The following WNT7A variants were observed in gnomAD, a reference collection of about 807,000 sequenced individuals.
The protein encoded by WNT7A is Wnt family member 7A, also known as protein Wnt-7a.
A neutral mutation model predicts 28.2 loss-of-function variants in WNT7A; 16 were observed. That is an observed-to-expected ratio of 0.57 (90% CI 0.38 to 0.86). The LOEUF (loss-of-function observed/expected upper bound fraction) is 0.86, where lower values mean the gene tolerates loss of function less well. Among genes scored for constraint, WNT7A ranks in the 40% least tolerant of loss-of-function variants. WNT7A has a pLI of 0.00. For synonymous variants in WNT7A, 190 were observed against 195.9 expected, an observed-to-expected ratio of 0.97 and a Z score of 0.25; for missense variants, 411 against 489.7, an observed-to-expected ratio of 0.84 and a Z score of 1.52.
chr3:13,838,097 C>T (rs1021762766), intron 3 of WNT7A, among the ~76,000 whole-genome samples: 15 of 152,202 alleles, frequency 9.9e-5, no homozygotes, highest in Non-Finnish European at 2.2e-4. Context: ...TATCTCTATG[C>T]GTCTGCAGTT....
At chr3:13,831,382 A>T (rs1694278129) in intron 3 of WNT7A, among the ~76,000 whole-genome samples, 1 of 152,208 alleles carries the variant, frequency 6.6e-6, no homozygotes, top group South Asian at 2.1e-4. Flanking sequence ...GGCAGTGCGG[A>T]CCACAGTCAC....
At chr3:13,842,459 G>T (rs1323082495) in intron 3 of WNT7A, among the ~76,000 whole-genome samples, 1 of 152,130 alleles carries the variant, frequency 6.6e-6, no homozygotes, top group African/African-American at 2.4e-5. Flanking sequence ...TGCAATGTCA[G>T]GGAAGAGATG....
intron 1 of WNT7A, among the ~76,000 whole-genome samples, chr3:13,878,814 T>C (rs1355715043): frequency 2.0e-5 from 3 of 147,758 alleles, no homozygotes; most frequent in Admixed American, 1.3e-4. Context: ...CATGCCCAGA[T>C]CCCCCCGCCC....
At chr3:13,835,475 G>A (rs556580784) in intron 3 of WNT7A, among the ~76,000 whole-genome samples, 4 of 152,254 alleles carry the variant, frequency 2.6e-5, no homozygotes, top group Non-Finnish European at 4.4e-5. Flanking sequence ...CTGAGCCAGC[G>A]TCCTCAGCTC....
At chr3:13,821,742 C>T (rs1453766738) in intron 3 of WNT7A, among the ~76,000 whole-genome samples, 2 of 152,170 alleles carry the variant, frequency 1.3e-5, no homozygotes, top group Non-Finnish European at 2.9e-5. Context: ...TTTAGGAGCC[C>T]ATCCACCAAT....
At chr3:13,869,337 GAGGA>G (rs1394936849) in intron 2 of WNT7A, among the ~76,000 whole-genome samples, 1 of 140,574 alleles carries the variant, frequency 7.1e-6, no homozygotes, top group African/African-American at 2.7e-5. Context: ...GAGAGGGAGG[GAGGA>G]AGGAAGGAAG....
chr3:13,847,804 G>T (rs974859934), intron 3 of WNT7A, among the ~76,000 whole-genome samples: 2 of 151,856 alleles, frequency 1.3e-5, no homozygotes, highest in African/African-American at 4.8e-5. Context: ...AGGGGCTGGG[G>T]TGGGGCGGGG....
intron 3 of WNT7A, among the ~76,000 whole-genome samples, chr3:13,822,311 A>T (rs1049264126): frequency 2.6e-5 from 4 of 152,278 alleles, no homozygotes; most frequent in African/African-American, 9.6e-5. Flanking sequence ...ACAGCCAAAA[A>T]GTGAGCGGAA....
At chr3:13,869,209 A>T (rs1694988338) in intron 2 of WNT7A, among the ~76,000 whole-genome samples, 1 of 688 alleles carries the variant, frequency 1.5e-3, no homozygotes, top group South Asian at 0.083. Flanking sequence ...GAAGGGAGAA[A>T]GAGAGAAAGA....
In WNT7A at chr3:13,864,534, A is replaced by G. The variant is rs377577841; in HGVS notation, c.299-9731T>C. ...ATCTCCCAGTGCCTGTTTCTCTTCC[A>G]CTAGATCCTCAGAGCACTTTTCAGC... On this transcript the variant is annotated intron_variant, in intron 2 of 3. Transcript: ENST00000285018. 7.9e-5 allele frequency among the ~76,000 whole-genome samples: 12 copies of G among 152,144 alleles called. No homozygotes were observed. In the East Asian group the frequency reaches 2.3e-3, roughly 29 times the overall value.
At chr3:13,833,753 C>T (rs1694320414) in intron 3 of WNT7A, among the ~76,000 whole-genome samples, 1 of 152,226 alleles carries the variant, frequency 6.6e-6, no homozygotes, top group African/African-American at 2.4e-5. Flanking sequence ...GGCAGGGAGG[C>T]TGACAGCGGG....
At chr3:13,873,540 C>A (rs1695057075) in intron 2 of WNT7A, among the ~76,000 whole-genome samples, 1 of 152,222 alleles carries the variant, frequency 6.6e-6, no homozygotes, top group South Asian at 2.1e-4. Flanking sequence ...AATATGGTGA[C>A]AAAACCAGGC....
At chr3:13,827,193 C>T (rs1694209237) in intron 3 of WNT7A, among the ~76,000 whole-genome samples, 1 of 152,158 alleles carries the variant, frequency 6.6e-6, no homozygotes, top group Non-Finnish European at 1.5e-5. Context: ...GGCAACCTCC[C>T]CAACAAAGCT....
chr3:13,856,905 G>GAAGAAGAAGAAGAAGAAA lies in WNT7A; in HGVS notation c.299-2103_299-2102insTTTCTTCTTCTTCTTCTT, dbSNP rs1559303223. ...GGAAGAAGAAGAAAAAGAAGAAGAA[G>GAAGAAGAAGAAGAAGAAA]AAGAAGAAGAAGAAGAAGAAGAAGA... On this transcript the variant is annotated intron_variant, in intron 2 of 3. Coordinates refer to ENST00000285018, the MANE Select transcript of WNT7A (RefSeq NM_004625.4). Among the ~76,000 whole-genome samples, 173 of 65,946 alleles carry GAAGAAGAAGAAGAAGAAA rather than the reference G, an allele frequency of 2.6e-3. 2 individuals are homozygous for GAAGAAGAAGAAGAAGAAA. The highest frequency in any genetic ancestry group is 1.2e-3 in the Non-Finnish European group (42 of 34,438). The allele number at this position is 65,946 out of a possible 152,430, so 43.3% of individuals were successfully genotyped here. A position where few individuals can be genotyped will look rare whatever the true frequency, so the allele number is the denominator to read the frequency against.
At chr3:13,837,478 C>G (rs1406253608) in intron 3 of WNT7A, among the ~76,000 whole-genome samples, 2 of 151,984 alleles carry the variant, frequency 1.3e-5, no homozygotes, top group Non-Finnish European at 2.9e-5. Context: ...CTGCTGTATT[C>G]GGGAGCATCT....
rs546145028 is a variant in WNT7A, at chr3:13,854,702, C to A, written c.400G>T (p.Asp134Tyr). 1.2e-6 allele frequency: 2 copies of A among 1,614,156 alleles called. No homozygotes were observed. The highest frequency in any genetic ancestry group is 4.5e-5 in the East Asian group (2 of 44,874). The stretch of plus-strand genomic sequence containing the variant: ...TGGTACTGGCCTTGCTTCTCTTTGT[C>A]GCAGCCACAGTCGCTCAGGTTGCCC... The part of the protein sequence containing the change: ...TQGNLSDCGC[D>Y]KEKQGQYHRD... Residue 134 changes from aspartate (D) to tyrosine (Y), a missense_variant, in exon 3 of 4, where the codon GAC (aspartate) becomes TAC (tyrosine). By Grantham distance (160) the Asp-to-Tyr change is radical. Coordinates refer to ENST00000285018, the MANE Select transcript of WNT7A (RefSeq NM_004625.4).
At position 13,819,301 on chromosome 3, in the gene WNT7A, C is replaced by T; in HGVS notation, c.693G>A (p.Lys231=). 2.5e-6 allele frequency: 4 copies of T among 1,614,010 alleles called. No individual in the cohort carries two copies. The highest frequency in any genetic ancestry group is 3.4e-6 in the Non-Finnish European group (4 of 1,179,878). The change falls in exon 4 of 4, where the codon AAG becomes AAA. Residue 231 remains lysine (K), a synonymous_variant. Transcript: ENST00000285018. ...FRELGYVLKD[K]YNEAVHVEPV... ...GCTCCACGTGAACGGCCTCGTTGTA[C>T]TTGTCCTTGAGCACGTAGCCCAGCT...
intron 3 of WNT7A, among the ~76,000 whole-genome samples, chr3:13,838,965 G>C (rs1694414170): frequency 1.3e-5 from 2 of 152,134 alleles, no homozygotes; most frequent in Non-Finnish European, 2.9e-5. Context: ...AAATTAAAAA[G>C]TATCTCAGTA....
intron 3 of WNT7A, among the ~76,000 whole-genome samples, chr3:13,851,976 A>G (rs1694645273): frequency 6.6e-6 from 1 of 152,222 alleles, no homozygotes; most frequent in Non-Finnish European, 1.5e-5. Context: ...AGACCACACA[A>G]TTGACGAGAC....
Sources: gnomAD v4.1 joint callset for allele counts (sites outside exome capture counted in the v4.1 genomes callset) on GRCh38, gnomAD v4.1.1 for gene constraint, MANE v1.5 for transcripts, NCBI Gene and HGNC (gene_info 2026-07-23, HGNC 2026-07-21) for gene names.